Variants in MYO5B observed in about 807,000 individuals in gnomAD.
MYO5B encodes unconventional myosin-Vb.
Under a neutral mutation model 229.3 loss-of-function variants are expected in MYO5B, and 143 were observed. The ratio of observed to expected loss-of-function variants is 0.62; its 90% CI spans 0.54 to 0.72. MYO5B has a LOEUF of 0.72. MYO5B is among the 30% of genes least tolerant of loss of function. The probability of loss-of-function intolerance (pLI) is 0.00; values close to 1 mark genes in which losing one functional copy is unlikely to be tolerated. For synonymous variants in MYO5B, 918 were observed against 885.2 expected (o/e 1.04, Z -0.66); for missense variants, 2,321 against 2,331.0 (o/e 1.00, Z 0.09).
At chr18:50,075,343 T>C (rs2031054412) in intron 1 of MYO5B, among the ~76,000 whole-genome samples, 1 of 152,040 alleles carries the variant, frequency 6.6e-6, no homozygotes. Context: ...ACATGAAGAA[T>C]CCAAGTTTTA....
chr18:50,048,948 G>A (rs1319981603), intron 2 of MYO5B, among the ~76,000 whole-genome samples: 1 of 151,804 alleles, frequency 6.6e-6, no homozygotes, highest in African/African-American at 2.4e-5. Flanking sequence ...CTTGAACCGG[G>A]GGGGCAGAGG....
At chr18:50,127,525 A>G (rs1041586093) in intron 1 of MYO5B, among the ~76,000 whole-genome samples, 1 of 152,202 alleles carries the variant, frequency 6.6e-6, no homozygotes, top group African/African-American at 2.4e-5. Context: ...CAGCTGAAAG[A>G]GAACAATGGA....
Position 49,954,482 on chromosome 18 carries a change from G to A in MYO5B, c.1546-47C>T, listed in dbSNP as rs367724330. On this transcript the variant is annotated intron_variant, in intron 12 of 39. Coordinates refer to ENST00000285039, the MANE Select transcript of MYO5B (RefSeq NM_001080467.3). Reference sequence around the variant, plus strand: ...CAGAGCGCTTTGTGAAGAGGAAGAAGGAAGCCCTGGGTTGCAGCAGAGGGA... The same window carrying A: ...CAGAGCGCTTTGTGAAGAGGAAGAAAGAAGCCCTGGGTTGCAGCAGAGGGA... 3.7e-6 allele frequency: 6 copies of A among 1,612,472 alleles called. No individual in the cohort carries two copies. In the African/African-American group the frequency reaches 5.3e-5, roughly 14 times the overall value.
chr18:49,938,964 T>G (rs1214257200), intron 14 of MYO5B, among the ~76,000 whole-genome samples: 1 of 141,252 alleles, frequency 7.1e-6, no homozygotes, highest in Non-Finnish European at 1.6e-5. Flanking sequence ...AAGGTCTGTG[T>G]TGAATCCTGA....
chr18:50,155,288 G>A (rs535759713), intron 1 of MYO5B, among the ~76,000 whole-genome samples: 5 of 152,120 alleles, frequency 3.3e-5, no homozygotes, highest in South Asian at 4.1e-4. Flanking sequence ...TAGCTCATTC[G>A]TAGAATGAAG....
intron 1 of MYO5B, among the ~76,000 whole-genome samples, chr18:50,105,762 T>A (rs2031747809): frequency 1.3e-5 from 2 of 151,962 alleles, no homozygotes; most frequent in African/African-American, 4.8e-5. Flanking sequence ...CACAAGGCCT[T>A]GCATATGCCA....
intron 1 of MYO5B, among the ~76,000 whole-genome samples, chr18:50,124,810 C>T (rs755290289): frequency 2.6e-5 from 4 of 151,824 alleles, no homozygotes; most frequent in Non-Finnish European, 4.4e-5. Context: ...TATTTTTAAG[C>T]GTCAACTTAT....
chr18:50,034,878 A>G (rs2026431483), intron 4 of MYO5B, among the ~76,000 whole-genome samples: 1 of 152,222 alleles, frequency 6.6e-6, no homozygotes, highest in Admixed American at 6.5e-5. Flanking sequence ...AAAATTAGGG[A>G]CCCAGTGGTA....
At chr18:49,853,173 C>T (rs2024221679) in intron 31 of MYO5B, among the ~76,000 whole-genome samples, 1 of 152,226 alleles carries the variant, frequency 6.6e-6, no homozygotes, top group Non-Finnish European at 1.5e-5. Flanking sequence ...CTCTTGGAAG[C>T]CAGCAGCCAG....
chr18:50,078,810 T>C (rs888342013), intron 1 of MYO5B, among the ~76,000 whole-genome samples: 1 of 151,900 alleles, frequency 6.6e-6, no homozygotes, highest in African/African-American at 2.4e-5. Flanking sequence ...AGCAGCTTTT[T>C]TTTGTAAATG....
chr18:49,969,071 G>A (rs1568052329), intron 10 of MYO5B, among the ~76,000 whole-genome samples: 1 of 152,178 alleles, frequency 6.6e-6, no homozygotes. Flanking sequence ...AACAGCTTCC[G>A]ATGATCTGCA....
In MYO5B at chr18:49,835,425, C is replaced by G; in HGVS notation, c.5314-1G>C. 6.2e-7 allele frequency: 1 copy of G among 1,608,756 alleles called. No homozygotes were observed. The highest frequency in any genetic ancestry group is 8.5e-7 in the Non-Finnish European group (1 of 1,175,394). On this transcript the variant is annotated splice_acceptor_variant, in intron 38 of 39. Transcript: ENST00000285039. LOFTEE classifies it high-confidence loss of function. ...TATAAAGGTTTAAAATTTTGACAATCTGTTGGGGATAAAAACGGAATTTAG... is the reference window on the plus strand; with the variant it reads ...TATAAAGGTTTAAAATTTTGACAATGTGTTGGGGATAAAAACGGAATTTAG...
chr18:50,044,275 G>C (rs2030158465), intron 2 of MYO5B, among the ~76,000 whole-genome samples: 1 of 151,994 alleles, frequency 6.6e-6, no homozygotes, highest in Admixed American at 6.6e-5. Flanking sequence ...TTTTTTTTCT[G>C]TAACAGGAAT....
chr18:50,100,322 A>G (rs1466105403), intron 1 of MYO5B, among the ~76,000 whole-genome samples: 1 of 152,208 alleles, frequency 6.6e-6, no homozygotes, highest in Non-Finnish European at 1.5e-5. Context: ...GGAACATATG[A>G]TGCTGGTTGT....
At chr18:49,872,650 C>T (rs751750997) in intron 26 of MYO5B, among the ~76,000 whole-genome samples, 2 of 152,058 alleles carry the variant, frequency 1.3e-5, no homozygotes, top group East Asian at 1.9e-4. Context: ...CTAATCCAGT[C>T]GGAAGACGAC....
At chr18:49,954,608 C>T (rs565149769) in intron 12 of MYO5B, among the ~76,000 whole-genome samples, 173 bp from the exon 13 acceptor site, 1 of 152,262 alleles carries the variant, frequency 6.6e-6, no homozygotes, top group East Asian at 1.9e-4. Flanking sequence ...GTTCAGGATC[C>T]GGCCACGGCG....
At chr18:49,900,444 C>G (rs2024828596) in intron 21 of MYO5B, among the ~76,000 whole-genome samples, 1 of 152,172 alleles carries the variant, frequency 6.6e-6, no homozygotes. Context: ...ACAAGGCACC[C>G]TGTAGAACTA....
At chr18:50,092,123 C>T (rs2031459824) in intron 1 of MYO5B, among the ~76,000 whole-genome samples, 1 of 152,104 alleles carries the variant, frequency 6.6e-6, no homozygotes, top group Admixed American at 6.6e-5. Context: ...ATGAAGCAGA[C>T]ACATATAAGG....
At chr18:50,023,257 T>C (rs1380317237) in intron 4 of MYO5B, among the ~76,000 whole-genome samples, 2 of 152,104 alleles carry the variant, frequency 1.3e-5, no homozygotes, top group African/African-American at 2.4e-5. Context: ...CTCTAGAGAA[T>C]GGGAGCACCT....
Sources: gnomAD v4.1 joint callset for allele counts (sites outside exome capture counted in the v4.1 genomes callset) on GRCh38, gnomAD v4.1.1 for gene constraint, MANE v1.5 for transcripts, NCBI Gene and HGNC (gene_info 2026-07-23, HGNC 2026-07-21) for gene names.